TBR1: variants seen among roughly 807,000 people sequenced by gnomAD.
TBR1 encodes T-box brain protein 1.
In TBR1, 7 loss-of-function variants were observed where a neutral mutation model predicts 60.3. That is an observed-to-expected ratio of 0.12 (90% CI 0.07 to 0.22). The LOEUF (loss-of-function observed/expected upper bound fraction) is 0.22, where lower values mean the gene tolerates loss of function less well. Among genes scored for constraint, TBR1 ranks in the 10% least tolerant of loss-of-function variants. The pLI is 1.00. For synonymous variants in TBR1, 417 were observed against 409.9 expected, an observed-to-expected ratio of 1.02 and a Z score of -0.21; for missense variants, 616 against 936.8, an observed-to-expected ratio of 0.66 and a Z score of 4.47.
At position 161,419,047 on chromosome 2, in the gene TBR1, G is replaced by A. The variant is rs199651195; in HGVS notation, c.1125G>A (p.Thr375=). ...TCGCCGTCACCGCCTACCAGAACAC[G>A]GATGTAAGGAGACCTAGGGGCTGGG... ...QFIAVTAYQN[T]DITQLKIDHN... The change falls in exon 4 of 6, where the codon ACG becomes ACA. Residue 375 remains threonine, a synonymous_variant. Transcript: ENST00000389554. 3.6e-4 allele frequency: 578 copies of A among 1,614,008 alleles called. 1 individual carries two copies. Among genetic ancestry groups the A allele is most frequent in the Non-Finnish European group, 4.7e-4 (558 of 1,180,030 alleles).
At chr2:161,420,418 CTTTT>C (rs67826360) in intron 5 of TBR1, 161 bp downstream of exon 5, 470 of 95,262 alleles carry the variant, frequency 4.9e-3, no homozygotes, top group South Asian at 0.012. Context: ...TCTTCCTCTT[CTTTT>C]TTTTTTTTTT....
rs370488062 is a variant in TBR1 at position 161,423,460 on chromosome 2, G to A, written c.1282G>A (p.Ala428Thr). 46 of 1,606,208 alleles carry A rather than the reference G, an allele frequency of 2.9e-5. No homozygotes were observed. Among genetic ancestry groups the A allele is most frequent in the Non-Finnish European group, 3.8e-5 (45 of 1,177,062 alleles). Residue 428 changes from alanine (A) to threonine (T), a missense_variant, in exon 6 of 6, where the codon GCC becomes ACC. Coordinates refer to ENST00000389554, the MANE Select transcript of TBR1 (RefSeq NM_006593.4). ...QIVPGARYAM[A>T]GSFLQDQFVS... ...CGTGCCCGGGGCCCGCTACGCCATG[G>A]CCGGCTCTTTCCTGCAGGACCAGTT...
chr2:161,420,758 G>A (rs1684219104), intron 5 of TBR1: 1 of 152,502 alleles, frequency 6.6e-6, no homozygotes, highest in Admixed American at 6.5e-5. Flanking sequence ...TCCAAGTTTT[G>A]TATAATAGCA....
chr2:161,418,145 G>A (rs1574149743), intron 2 of TBR1, 56 bp from the exon 3 acceptor site: 2 of 1,567,424 alleles, frequency 1.3e-6, no homozygotes, highest in East Asian at 4.5e-5. Context: ...ACGTGGTGAG[G>A]AGCTGGGACT....
rs779723616 is a variant in TBR1, at chr2:161,423,582, G to C, written c.1404G>C (p.Leu468=). The change falls in exon 6 of 6, where the codon CTG becomes CTC. Residue 468 remains leucine, a synonymous_variant. Transcript: ENST00000389554. The part of the protein sequence containing the change: ...DRSVPHTNGL[L]SPQQAEDPGA... ...GCGTGCCGCACACCAACGGGCTGCT[G>C]TCGCCGCAGCAGGCCGAGGACCCGG... The C allele has an allele frequency of 1.9e-6, 3 of 1,544,690 alleles. No homozygotes were observed. Among genetic ancestry groups the C allele is most frequent in the Non-Finnish European group, 8.7e-7 (1 of 1,151,008 alleles).
Position 161,420,418 on chromosome 2 carries a change from CTTTTTTTTTT to C in TBR1, c.1190+175_1190+184del, listed in dbSNP as rs67826360. On this transcript the variant is annotated intron_variant, in intron 5 of 5. Transcript: ENST00000389554. Reference sequence around the variant, plus strand: ...GTCTTTCTTCTTTCTTCTTCCTCTTCTTTTTTTTTTTTTTTTTTTTTTTGGTTGGCTCCCC... The same window carrying C: ...GTCTTTCTTCTTTCTTCTTCCTCTTCTTTTTTTTTTTTTGGTTGGCTCCCC... 12 of 95,434 alleles carry C rather than the reference CTTTTTTTTTT, an allele frequency of 1.3e-4. No individual in the cohort carries two copies. The East Asian group carries it at 1.5e-3, about 12-fold the overall frequency. 5.9% of individuals were successfully genotyped at this position (95,434 alleles called of 1,614,324 possible). A position where few individuals can be genotyped will look rare whatever the true frequency, so the allele number is the denominator to read the frequency against.
Position 161,420,177 on chromosome 2 carries a change from CATTT to C in TBR1, c.1129-18_1129-15del. On this transcript the variant is annotated splice_polypyrimidine_tract_variant and intron_variant, in intron 4 of 5. Coordinates refer to ENST00000389554, the MANE Select transcript of TBR1 (RefSeq NM_006593.4). ...CACGTATAAAAGGTGAGATAACATT[CATTT>C]TTTTTCTTTGCCAGATTACACAACT... is the stretch of plus-strand genomic sequence containing the variant. 4 of 1,607,492 alleles carry C rather than the reference CATTT, an allele frequency of 2.5e-6. No individual in the cohort carries two copies. In the East Asian group the frequency reaches 9.0e-5, roughly 36 times the overall value.
At chr2:161,422,098 C>T (rs1240199242) in intron 5 of TBR1, 1 of 152,206 alleles carries the variant, frequency 6.6e-6, no homozygotes, top group African/African-American at 2.4e-5. Context: ...TCATGGGGTA[C>T]TAGGAGCTTG....
In TBR1 at chr2:161,423,702, C is replaced by A; in HGVS notation, c.1524C>A (p.Gly508=). 3 of 1,536,380 alleles carry A rather than the reference C, an allele frequency of 2.0e-6. No individual in the cohort carries two copies. Among genetic ancestry groups the A allele is most frequent in the Non-Finnish European group, 1.7e-6 (2 of 1,150,918 alleles). The change falls in exon 6 of 6, where the codon GGC becomes GGA. Residue 508 remains glycine, a synonymous_variant. Transcript: ENST00000389554. ...ATGACACGGCCACGGACTTCGCGGG[C>A]AACGCGGCCACGCTGCTCTCTTACG... is the stretch of plus-strand genomic sequence containing the variant. ...SAYDTATDFA[G]NAATLLSYAA...
In TBR1 at chr2:161,418,232, C is replaced by A; in HGVS notation, c.879C>A (p.Pro293=). ...GNRVYMHPDS[P]NTGAHWMRQE... ...GGGTCTATATGCATCCGGATTCCCC[C>A]AACACTGGGGCTCACTGGATGCGCC... Residue 293 remains proline (P), a synonymous_variant, in exon 3 of 6, where the codon CCC becomes CCA. Transcript: ENST00000389554. The A allele has an allele frequency of 6.2e-7, 1 of 1,613,910 alleles. No individual in the cohort carries two copies. The highest frequency in any genetic ancestry group is 2.2e-5 in the East Asian group (1 of 44,860).
chr2:161,417,860 G>A lies in TBR1; in HGVS notation c.847+30G>A. ...GTCCTTCCAATTAACACATTTTCTT[G>A]ACACTTATTTAGGTGAGAATGATTA... On this transcript the variant is annotated intron_variant, in intron 2 of 5. Transcript: ENST00000389554. This position sits in a 1 kb window ranked among gnomAD's most constrained non-coding sequence, Gnocchi z 5.3. 2.5e-6 allele frequency: 4 copies of A among 1,610,680 alleles called. No homozygotes were observed. Among genetic ancestry groups the A allele is most frequent in the Non-Finnish European group, 2.5e-6 (3 of 1,178,442 alleles).
intron 5 of TBR1, 63 bp downstream of exon 5, chr2:161,420,320 A>T (rs1574150845): frequency 1.5e-6 from 2 of 1,344,372 alleles, no homozygotes; most frequent in East Asian, 5.0e-5. Context: ...TCAAAGGTGT[A>T]TTATTATGTA....
chr2:161,420,071 G>T, intron 4 of TBR1, 125 bp from the exon 5 acceptor site: 1 of 626,480 alleles, frequency 1.6e-6, no homozygotes, highest in Non-Finnish European at 2.6e-6. Context: ...TTTCAGTTAG[G>T]AAAACCTTGC....
intron 4 of TBR1, 96 bp from the exon 5 acceptor site, chr2:161,420,100 C>G: frequency 3.0e-6 from 3 of 1,015,786 alleles, no homozygotes; most frequent in Non-Finnish European, 4.5e-6. Context: ...AAATTGTAGG[C>G]CTTAAGCCCC....
At chr2:161,420,169 A>G in intron 4 of TBR1, 27 bp from the exon 5 acceptor site, 1 of 1,601,866 alleles carries the variant, frequency 6.2e-7, no homozygotes, top group Non-Finnish European at 8.5e-7. Context: ...AAAAGGTGAG[A>G]TAACATTCAT....
chr2:161,417,842 C>T lies in TBR1; in HGVS notation c.847+12C>T. 1 of 1,612,524 alleles carries T rather than the reference C, an allele frequency of 6.2e-7. No individual in the cohort carries two copies. The highest frequency in any genetic ancestry group is 8.5e-7 in the Non-Finnish European group (1 of 1,179,452). On this transcript the variant is annotated intron_variant, in intron 2 of 5. Transcript: ENST00000389554. This position sits in a 1 kb window ranked among gnomAD's most constrained non-coding sequence, Gnocchi z 5.3. ...CACCAATGTGCAAGGCAAGTCCTTC[C>T]AATTAACACATTTTCTTGACACTTA...
Sources: allele counts gnomAD v4.1 joint callset, GRCh38; gene constraint gnomAD v4.1.1; non-coding constraint Gnocchi (gnomAD v3.1); transcripts MANE v1.5; gene names NCBI Gene and HGNC (gene_info 2026-07-23, HGNC 2026-07-21).